BCL11B: variants seen among roughly 807,000 people sequenced by gnomAD.
The protein encoded by BCL11B is B-cell lymphoma/leukemia 11B.
Under a neutral mutation model 49.9 loss-of-function variants are expected in BCL11B, and 8 were observed. The ratio of observed to expected loss-of-function variants is 0.16; its 90% CI spans 0.09 to 0.29. The LOEUF (loss-of-function observed/expected upper bound fraction) is 0.29, where lower values mean the gene tolerates loss of function less well. BCL11B is among the 10% of genes least tolerant of loss of function. BCL11B has a pLI of 1.00. For synonymous variants in BCL11B, 739 were observed against 637.4 expected (o/e 1.16, Z -2.40); for missense variants, 1,006 against 1,351.0 (o/e 0.74, Z 4.00).
rs925496311 is a variant in BCL11B, at chr14:99,205,950, T to C, written c.640+25395A>G. Among the ~76,000 whole-genome samples, 2 of 151,488 alleles carry C rather than the reference T, an allele frequency of 1.3e-5. No individual in the cohort carries two copies. The highest frequency in any genetic ancestry group is 4.9e-5 in the African/African-American group (2 of 41,194). ...TCGTAGCCAGGGGTTGGGAGGGGAG[T>C]CTTGTGGGAAGGGAGCCTGAAGTAC... is the stretch of plus-strand genomic sequence containing the variant. On this transcript the variant is annotated intron_variant, in intron 3 of 3. Transcript: ENST00000357195. The surrounding 1 kb of genome is among the most constrained non-coding windows in gnomAD (Gnocchi z 5.0).
chr14:99,219,341 C>T (rs1319176395), intron 3 of BCL11B, among the ~76,000 whole-genome samples: 1 of 152,194 alleles, frequency 6.6e-6, no homozygotes, highest in Admixed American at 6.5e-5. Flanking sequence ...ACCACAGAAT[C>T]AATTTCTTAT....
chr14:99,214,734 G>A (rs775780635), intron 3 of BCL11B, among the ~76,000 whole-genome samples: 1 of 152,000 alleles, frequency 6.6e-6, no homozygotes, highest in African/African-American at 2.4e-5. Flanking sequence ...GGGAGCATGG[G>A]GACCCGGCAG....
intron 3 of BCL11B, among the ~76,000 whole-genome samples, chr14:99,185,502 G>A (rs888544741): frequency 2.0e-5 from 3 of 151,408 alleles, no homozygotes; most frequent in South Asian, 2.1e-4. Context: ...ACAGAGAACC[G>A]GAGGTGCCCA....
chr14:99,206,420 C>T (rs1233328887), intron 3 of BCL11B, among the ~76,000 whole-genome samples: 1 of 152,160 alleles, frequency 6.6e-6, no homozygotes, highest in African/African-American at 2.4e-5. Flanking sequence ...TGGAAAATTC[C>T]AGAAATAAAC....
intron 3 of BCL11B, among the ~76,000 whole-genome samples, chr14:99,210,124 C>G (rs1887645647): frequency 6.6e-6 from 1 of 152,120 alleles, no homozygotes; most frequent in South Asian, 2.1e-4. Context: ...CTTGAAGCAT[C>G]CAGGCCAGAG....
chr14:99,261,096 TG>T (rs1449151106), intron 1 of BCL11B, among the ~76,000 whole-genome samples: 1 of 152,244 alleles, frequency 6.6e-6, no homozygotes, highest in African/African-American at 2.4e-5. Flanking sequence ...GCTGTGGCGC[TG>T]TGCCTTGGCC....
intron 2 of BCL11B, among the ~76,000 whole-genome samples, chr14:99,244,560 AC>A (rs1888769801): frequency 6.6e-6 from 1 of 152,176 alleles, no homozygotes; most frequent in Non-Finnish European, 1.5e-5. Flanking sequence ...ATCTTGTTAG[AC>A]CCACTGTTAT....
intron 2 of BCL11B, among the ~76,000 whole-genome samples, chr14:99,255,749 A>T (rs1007331596): frequency 9.9e-5 from 15 of 152,162 alleles, no homozygotes; most frequent in Admixed American, 2.6e-4. Context: ...ACAAAGACAA[A>T]AGGGACCCAG....
chr14:99,267,056 G>A (rs1889504111), intron 1 of BCL11B, among the ~76,000 whole-genome samples: 1 of 152,028 alleles, frequency 6.6e-6, no homozygotes, highest in African/African-American at 2.4e-5. Flanking sequence ...GGCTTCCCTT[G>A]GGTTGAGTAG....
At chr14:99,259,615 C>T (rs1232662484) in intron 1 of BCL11B, among the ~76,000 whole-genome samples, 5 of 152,164 alleles carry the variant, frequency 3.3e-5, no homozygotes, top group African/African-American at 9.7e-5. Flanking sequence ...AGTACAGAAA[C>T]GCCCCGCAGA....
chr14:99,177,733 A>G (rs1886581381), intron 3 of BCL11B, among the ~76,000 whole-genome samples: 2 of 151,986 alleles, frequency 1.3e-5, no homozygotes, highest in African/African-American at 2.4e-5. Context: ...ACCCTTCCCA[A>G]TATCGGTAAG....
intron 3 of BCL11B, among the ~76,000 whole-genome samples, chr14:99,211,555 T>A (rs566884787): frequency 6.6e-6 from 1 of 152,196 alleles, no homozygotes; most frequent in African/African-American, 2.4e-5. Flanking sequence ...CACAGACATA[T>A]GTGCACACAT....
In BCL11B at chr14:99,236,887, G is replaced by T. The variant is rs1888516694; in HGVS notation, c.428-5330C>A. ...AAGCACATAATAACAGTATTAGCTG[G>T]TAAAATGATCCTGCAGTTAAAATAC... On this transcript the variant is annotated intron_variant, in intron 2 of 3. Transcript: ENST00000357195. Among the ~76,000 whole-genome samples, 3 of 152,198 alleles carry T rather than the reference G, an allele frequency of 2.0e-5. No individual in the cohort carries two copies. In the South Asian group the frequency reaches 6.2e-4, roughly 31 times the overall value.
chr14:99,272,045 C>T lies in BCL11B; in HGVS notation c.-827G>A, dbSNP rs1889705515. Among the ~76,000 whole-genome samples the T allele has an allele frequency of 6.6e-6, 1 of 151,958 alleles. No homozygotes were observed. Among genetic ancestry groups the T allele is most frequent in the African/African-American group, 2.4e-5 (1 of 41,398 alleles). ...GAGTCCCCGCGAGCGCTCCCCAGCG[C>T]TCCCCTGGCGCCGCGGGCCCGGGGG... is the stretch of plus-strand genomic sequence containing the variant. On this transcript the variant is annotated 5_prime_UTR_variant, in exon 1 of 4. Coordinates refer to ENST00000357195, the MANE Select transcript of BCL11B (RefSeq NM_138576.4). The surrounding 1 kb of genome is among the most constrained non-coding windows in gnomAD (Gnocchi z 6.0).
At chr14:99,236,026 G>A (rs1410217999) in intron 2 of BCL11B, among the ~76,000 whole-genome samples, 1 of 152,050 alleles carries the variant, frequency 6.6e-6, no homozygotes, top group Non-Finnish European at 1.5e-5. Flanking sequence ...TGAGGAGGGG[G>A]AAAAATATGA....
In BCL11B at chr14:99,271,041, G is replaced by C. The variant is rs1482545654; in HGVS notation, c.58+120C>G. 5 of 1,073,090 alleles carry C rather than the reference G, an allele frequency of 4.7e-6. No individual in the cohort carries two copies. In the African/African-American group the frequency reaches 6.7e-5, roughly 14 times the overall value. The allele number at this position is 1,073,090 out of a possible 1,614,324, so 66.5% of individuals were successfully genotyped here. ...GCTCCAGGCCGACGCCGTAGACTCT[G>C]CCAGCCAGCGGGCGGCCCCGGCGCC... On this transcript the variant is annotated intron_variant, in intron 1 of 3. Transcript: ENST00000357195.
rs775328645 is a variant in BCL11B at position 99,171,182 on chromosome 14, A to G, written c.*2969T>C. Reference sequence around the variant, plus strand: ...TTGATGCAAGGTTCGGGGCGTTCAGAGAGAAGCCCAACACGAACGGTTCTC... The same window carrying G: ...TTGATGCAAGGTTCGGGGCGTTCAGGGAGAAGCCCAACACGAACGGTTCTC... On this transcript the variant is annotated 3_prime_UTR_variant, in exon 4 of 4. Coordinates refer to ENST00000357195, the MANE Select transcript of BCL11B (RefSeq NM_138576.4). 2.6e-5 allele frequency: 6 copies of G among 228,976 alleles called. No homozygotes were observed. The highest frequency in any genetic ancestry group is 5.7e-5 in the Admixed American group (1 of 17,620). The allele number at this position is 228,976 out of a possible 1,614,324, so 14.2% of individuals were successfully genotyped here. A position where few individuals can be genotyped will look rare whatever the true frequency, so the allele number is the denominator to read the frequency against.
rs902464152 is a variant in BCL11B, at chr14:99,176,248, G to A, written c.641-53C>T. 2.6e-6 allele frequency: 4 copies of A among 1,543,840 alleles called. No individual in the cohort carries two copies. In the African/African-American group the frequency reaches 4.1e-5, roughly 16 times the overall value. On this transcript the variant is annotated intron_variant, in intron 3 of 3. Coordinates refer to ENST00000357195, the MANE Select transcript of BCL11B (RefSeq NM_138576.4). ...GAGACAGCGTGAGAAGCGGCAGCGG[G>A]GCGCGGGCACCGCAGGGCCACTGGC...
chr14:99,212,500 G>A (rs1887716178), intron 3 of BCL11B, among the ~76,000 whole-genome samples: 1 of 152,166 alleles, frequency 6.6e-6, no homozygotes. Context: ...ATGGGGGCCA[G>A]ACCTCCGCCT....
Sources: gnomAD v4.1 joint callset for allele counts (sites outside exome capture counted in the v4.1 genomes callset) on GRCh38, gnomAD v4.1.1 for gene constraint, Gnocchi (gnomAD v3.1) non-coding constraint, MANE v1.5 for transcripts, NCBI Gene and HGNC (gene_info 2026-07-23, HGNC 2026-07-21) for gene names.